The following GABBR2 variants were observed in gnomAD, a reference collection of about 807,000 sequenced individuals.
GABBR2 encodes the protein gamma-aminobutyric acid type B receptor subunit 2.
In GABBR2, 23 loss-of-function variants were observed where a neutral mutation model predicts 105.6. That is an observed-to-expected ratio of 0.22 (90% CI 0.16 to 0.31). The LOEUF is 0.31. Among genes scored for constraint, GABBR2 ranks in the 10% least tolerant of loss-of-function variants. The pLI, the probability that GABBR2 is intolerant of heterozygous loss-of-function variation, is 1.00. For synonymous variants in GABBR2, 478 were observed against 499.7 expected (o/e 0.96, Z 0.58); for missense variants, 734 against 1,245.5 (o/e 0.59, Z 6.18).
intron 1 of GABBR2, among the ~76,000 whole-genome samples, chr9:98,674,617 G>A (rs372843952): frequency 1.3e-5 from 2 of 152,274 alleles, no homozygotes; most frequent in African/African-American, 4.8e-5. Flanking sequence ...GGACTCGGGT[G>A]TGATGGATGA....
intron 7 of GABBR2, among the ~76,000 whole-genome samples, chr9:98,443,773 G>A (rs969959822): frequency 3.3e-5 from 5 of 152,180 alleles, no homozygotes; most frequent in Admixed American, 6.5e-5. Context: ...AGCAGGAGGA[G>A]GCAGATAGAC....
At chr9:98,585,654 A>T (rs929637947) in intron 1 of GABBR2, among the ~76,000 whole-genome samples, 7 of 152,184 alleles carry the variant, frequency 4.6e-5, no homozygotes, top group South Asian at 4.2e-4. Flanking sequence ...TAATAAAATT[A>T]AAAAAATATA....
intron 1 of GABBR2, among the ~76,000 whole-genome samples, chr9:98,634,114 C>T (rs1051251080): frequency 2.6e-5 from 4 of 152,108 alleles, no homozygotes; most frequent in African/African-American, 9.7e-5. Context: ...ACGAGACTGC[C>T]GCTGACTATA....
intron 1 of GABBR2, among the ~76,000 whole-genome samples, chr9:98,645,028 C>T (rs773632111): frequency 1.2e-4 from 19 of 152,238 alleles, no homozygotes; most frequent in African/African-American, 3.1e-4. Context: ...CCCTCAGCTT[C>T]GGACCAAGTG....
chr9:98,610,588 A>G (rs1356324205), intron 1 of GABBR2, among the ~76,000 whole-genome samples: 1 of 152,240 alleles, frequency 6.6e-6, no homozygotes, highest in East Asian at 1.9e-4. Flanking sequence ...GAAATAGACT[A>G]GACAGGCAGA....
intron 1 of GABBR2, among the ~76,000 whole-genome samples, chr9:98,680,762 T>C (rs1314914639): frequency 2.6e-5 from 4 of 152,038 alleles, no homozygotes. Flanking sequence ...AAACGTAAGG[T>C]GACTTAAATA....
intron 7 of GABBR2, among the ~76,000 whole-genome samples, chr9:98,418,316 T>C (rs1378243420): frequency 6.6e-6 from 1 of 151,948 alleles, no homozygotes; most frequent in African/African-American, 2.4e-5. Flanking sequence ...AGTGGGAGAT[T>C]GCTTGAGCCT....
At chr9:98,569,741 C>G (rs1032774246) in intron 2 of GABBR2, among the ~76,000 whole-genome samples, 1 of 152,198 alleles carries the variant, frequency 6.6e-6, no homozygotes, top group Non-Finnish European at 1.5e-5. Context: ...GCCTGTACAA[C>G]AGGGAGACTG....
At chr9:98,328,350 A>G (rs1830961744) in intron 13 of GABBR2, among the ~76,000 whole-genome samples, 1 of 152,028 alleles carries the variant, frequency 6.6e-6, no homozygotes, top group Non-Finnish European at 1.5e-5. Context: ...TGTTAAAAAC[A>G]CTCTATTAGT....
At chr9:98,488,568 C>T (rs1406563033) in intron 4 of GABBR2, among the ~76,000 whole-genome samples, 2 of 152,004 alleles carry the variant, frequency 1.3e-5, no homozygotes, top group East Asian at 3.9e-4. Flanking sequence ...CCAAATATTG[C>T]ATCAATATAA....
chr9:98,704,547 A>C (rs1830869915), intron 1 of GABBR2, among the ~76,000 whole-genome samples: 2 of 152,162 alleles, frequency 1.3e-5, no homozygotes, highest in African/African-American at 4.8e-5. Flanking sequence ...ATGGGGAAAA[A>C]CCCATGATAC....
At chr9:98,508,848 C>A (rs1714904211) in intron 3 of GABBR2, among the ~76,000 whole-genome samples, 1 of 152,076 alleles carries the variant, frequency 6.6e-6, no homozygotes, top group Non-Finnish European at 1.5e-5. Context: ...GGGGGCAGGG[C>A]ACAGACAAAC....
intron 4 of GABBR2, among the ~76,000 whole-genome samples, chr9:98,485,493 T>TAC (rs758645508): frequency 0.01 from 1,473 of 143,208 alleles, 18 homozygotes; most frequent in African/African-American, 0.036. Context: ...TAAACACACA[T>TAC]ACACACACGC....
At chr9:98,340,854 T>G (rs1006880673) in intron 13 of GABBR2, among the ~76,000 whole-genome samples, 1 of 152,202 alleles carries the variant, frequency 6.6e-6, no homozygotes, top group Non-Finnish European at 1.5e-5. Flanking sequence ...TAATAAAAAT[T>G]TAAAGACTCT....
chr9:98,538,974 G>A (rs777662302), intron 3 of GABBR2, among the ~76,000 whole-genome samples: 1 of 152,118 alleles, frequency 6.6e-6, no homozygotes, highest in Non-Finnish European at 1.5e-5. Flanking sequence ...TCCTGTCCTC[G>A]GGAAAAAAGG....
At position 98,562,926 on chromosome 9, in the gene GABBR2, C is replaced by T. The variant is rs566706479; in HGVS notation, c.459+15009G>A. On this transcript the variant is annotated intron_variant, in intron 2 of 18. Transcript: ENST00000259455. ...CTCTACAAAAAATACAAAAATTAGC[C>T]GGGTATGGTGGTGTGCGCCTGTAAT... Among the ~76,000 whole-genome samples the T allele has an allele frequency of 8.1e-4, 123 of 151,518 alleles. 2 individuals are homozygous for T. In the South Asian group the frequency reaches 0.024, roughly 29 times the overall value.
At chr9:98,432,176 G>A (rs1423676548) in intron 7 of GABBR2, among the ~76,000 whole-genome samples, 3 of 152,198 alleles carry the variant, frequency 2.0e-5, no homozygotes, top group Non-Finnish European at 4.4e-5. Context: ...GATTATAGGC[G>A]TGAGTCACTG....
At chr9:98,473,415 C>T in intron 5 of GABBR2, 69 bp from the exon 6 acceptor site, 1 of 1,026,926 alleles carries the variant, frequency 9.7e-7, no homozygotes, top group Non-Finnish European at 1.5e-6. Flanking sequence ...CCCTGGAAGA[C>T]AGGTGGGGAG....
At chr9:98,678,423 C>A (rs765193942) in intron 1 of GABBR2, among the ~76,000 whole-genome samples, 22 of 152,164 alleles carry the variant, frequency 1.4e-4, no homozygotes, top group Non-Finnish European at 2.6e-4. Flanking sequence ...ACCTTTCCTG[C>A]GAGGTGCTTC....
Sources: gnomAD v4.1 joint callset for allele counts (sites outside exome capture counted in the v4.1 genomes callset) on GRCh38, gnomAD v4.1.1 for gene constraint, MANE v1.5 for transcripts, NCBI Gene and HGNC (gene_info 2026-07-23, HGNC 2026-07-21) for gene names.